NFIA: variants seen among roughly 807,000 people sequenced by gnomAD.
The protein encoded by NFIA is nuclear factor I A, also known as nuclear factor 1 A-type.
In NFIA, 8 loss-of-function variants were observed where a neutral mutation model predicts 62.8. The ratio of observed to expected loss-of-function variants is 0.13; its 90% CI spans 0.07 to 0.23. NFIA has a LOEUF of 0.23. Among genes scored for constraint, NFIA ranks in the 10% least tolerant of loss-of-function variants. The pLI is 1.00. For synonymous variants in NFIA, 235 were observed against 238.1 expected, an observed-to-expected ratio of 0.99 and a Z score of 0.12; for missense variants, 410 against 642.1, an observed-to-expected ratio of 0.64 and a Z score of 3.91.
intron 2 of NFIA, among the ~76,000 whole-genome samples, chr1:61,110,110 C>CT (rs1646670106): frequency 1.0e-4 from 1 of 9,534 alleles, no homozygotes; most frequent in Non-Finnish European, 6.2e-4. Context: ...GAAACTAAGT[C>CT]AAAGGAGTTT....
intron 2 of NFIA, among the ~76,000 whole-genome samples, chr1:61,242,227 A>G (rs1276606773): frequency 6.6e-6 from 1 of 152,144 alleles, no homozygotes; most frequent in Non-Finnish European, 1.5e-5. Flanking sequence ...GACACTTGGC[A>G]TGAGCTCAAT....
upstream of NFIA, chr1:61,082,199 G>A (rs1348240178): frequency 6.7e-6 from 3 of 448,342 alleles, no homozygotes; most frequent in Admixed American, 4.2e-5. Context: ...CTGATCGGGG[G>A]AGGGGGCGGG....
At chr1:61,185,948 A>G (rs1319246267) in intron 2 of NFIA, among the ~76,000 whole-genome samples, 2 of 152,172 alleles carry the variant, frequency 1.3e-5, no homozygotes, top group Admixed American at 6.5e-5. Flanking sequence ...CTATGATGTC[A>G]GTCCCACAAG....
chr1:61,329,010 A>G (rs1489150923), intron 3 of NFIA, among the ~76,000 whole-genome samples: 1 of 150,046 alleles, frequency 6.7e-6, no homozygotes, highest in Non-Finnish European at 1.5e-5. Flanking sequence ...GGCATGAGCC[A>G]CCGCACCCAG....
At chr1:61,346,250 G>A (rs148511066) in intron 4 of NFIA, among the ~76,000 whole-genome samples, 1 of 152,314 alleles carries the variant, frequency 6.6e-6, no homozygotes, top group East Asian at 1.9e-4. Flanking sequence ...GCTTGGTCCA[G>A]TCCTACCTAA....
intron 2 of NFIA, among the ~76,000 whole-genome samples, chr1:61,140,346 AT>A (rs780721575): frequency 0.022 from 585 of 27,160 alleles, 1 homozygote; most frequent in Middle Eastern, 0.12. Context: ...ATCTGGCTGT[AT>A]TTTTTTTTTT....
At chr1:61,417,216 A>G (rs1371883287) in intron 9 of NFIA, among the ~76,000 whole-genome samples, 1 of 150,890 alleles carries the variant, frequency 6.6e-6, no homozygotes, top group South Asian at 2.1e-4. Context: ...AAAGAAAATT[A>G]TATTCTCCCA....
intron 6 of NFIA, among the ~76,000 whole-genome samples, chr1:61,366,843 A>AACCC (rs1289802664): frequency 2.0e-5 from 3 of 152,140 alleles, no homozygotes; most frequent in African/African-American, 7.2e-5. Flanking sequence ...GAATCGCTTG[A>AACCC]ACCCAGGAGG....
At chr1:61,318,300 T>C (rs907561231) in intron 3 of NFIA, among the ~76,000 whole-genome samples, 6 of 152,072 alleles carry the variant, frequency 3.9e-5, no homozygotes, top group African/African-American at 1.4e-4. Flanking sequence ...TTACAAGCAA[T>C]GGTAATAAGT....
At chr1:61,151,132 C>G (rs185857044) in intron 2 of NFIA, among the ~76,000 whole-genome samples, 1 of 152,164 alleles carries the variant, frequency 6.6e-6, no homozygotes, top group Non-Finnish European at 1.5e-5. Flanking sequence ...GGAATCTTGC[C>G]TCCCTGGGCT....
chr1:61,377,643 TA>T (rs1253156163), intron 6 of NFIA, among the ~76,000 whole-genome samples: 8 of 152,190 alleles, frequency 5.3e-5, no homozygotes, highest in Admixed American at 3.3e-4. Flanking sequence ...TTTGTGACTA[TA>T]AATGAACATT....
intron 2 of NFIA, among the ~76,000 whole-genome samples, chr1:61,220,963 T>C (rs1028097864): frequency 6.6e-6 from 1 of 152,216 alleles, no homozygotes; most frequent in Non-Finnish European, 1.5e-5. Flanking sequence ...GCAGTGTGAA[T>C]ACAATCATAG....
intron 2 of NFIA, among the ~76,000 whole-genome samples, chr1:61,272,456 C>T (rs528918680): frequency 3.2e-4 from 48 of 152,088 alleles, no homozygotes; most frequent in African/African-American, 1.1e-3. Context: ...TTCTGGATTT[C>T]GTTAATGTAA....
At chr1:61,454,738 C>T (rs1668225755) in intron 10 of NFIA, among the ~76,000 whole-genome samples, 1 of 152,128 alleles carries the variant, frequency 6.6e-6, no homozygotes, top group Non-Finnish European at 1.5e-5. Flanking sequence ...TCCACCTTAC[C>T]TCCACTTATT....
intron 3 of NFIA, among the ~76,000 whole-genome samples, chr1:61,293,267 GC>G (rs141822401): frequency 0.011 from 1,689 of 152,186 alleles, 17 homozygotes; most frequent in Middle Eastern, 0.048. Flanking sequence ...TAAGAAATGT[GC>G]CATCAAGATA....
chr1:61,081,474 A>G (rs1292444601), upstream of NFIA, among the ~76,000 whole-genome samples: 3 of 152,208 alleles, frequency 2.0e-5, no homozygotes, highest in South Asian at 2.1e-4. Context: ...ATGATAGCCT[A>G]TGTCCAGTTC....
chr1:61,253,835 T>TA (rs912172063), intron 2 of NFIA, among the ~76,000 whole-genome samples: 40 of 151,050 alleles, frequency 2.6e-4, no homozygotes, highest in African/African-American at 7.5e-4. Context: ...TGTTTGACAC[T>TA]AAAAAAAAAT....
At chr1:61,116,460 A>G (rs1646795129) in intron 2 of NFIA, among the ~76,000 whole-genome samples, 1 of 152,080 alleles carries the variant, frequency 6.6e-6, no homozygotes, top group African/African-American at 2.4e-5. Context: ...CTTGATAAAC[A>G]CTGTCAGTTG....
intron 2 of NFIA, among the ~76,000 whole-genome samples, chr1:61,126,436 G>GA: frequency 7.2e-5 from 1 of 13,802 alleles, no homozygotes; most frequent in African/African-American, 2.6e-4. Context: ...TTTTGAAAAT[G>GA]AACACACACA....
Sources: gnomAD v4.1 joint callset for allele counts (sites outside exome capture counted in the v4.1 genomes callset) on GRCh38, gnomAD v4.1.1 for gene constraint, MANE v1.5 for transcripts, NCBI Gene and HGNC (gene_info 2026-07-23, HGNC 2026-07-21) for gene names.